The following UNC5C variants were observed in gnomAD, a reference collection of about 807,000 sequenced individuals.
UNC5C encodes the protein unc-5 netrin receptor C, also known as netrin receptor UNC5C.
In UNC5C, 47 loss-of-function variants were observed where a neutral mutation model predicts 99.8. The observed-to-expected ratio is 0.47, with a 90% CI of 0.37 to 0.60. The LOEUF is 0.60. Ranked by LOEUF, UNC5C falls within the 20% of genes least tolerant of loss-of-function variation. The pLI is 0.00. For missense variants in UNC5C, 1,062 were observed against 1,165.9 expected (o/e 0.91, Z 1.30); for synonymous variants, 487 against 452.2 (o/e 1.08, Z -0.98).
Position 95,257,711 on chromosome 4 carries a change from T to C in UNC5C, c.595-7044A>G, listed in dbSNP as rs550485121. 2.6e-5 allele frequency among the ~76,000 whole-genome samples: 4 copies of C among 152,362 alleles called. No individual in the cohort carries two copies. In the East Asian group the frequency reaches 7.7e-4, roughly 29 times the overall value. ...ACAGGTAAGTTGCTAAAAATTCCCA[T>C]TATTTCCATGAACAAAGTGAGTTTT... is the stretch of plus-strand genomic sequence containing the variant. On this transcript the variant is annotated intron_variant, in intron 4 of 15. Transcript: ENST00000453304.
chr4:95,509,084 G>A (rs1439204928), intron 1 of UNC5C, among the ~76,000 whole-genome samples: 2 of 151,598 alleles, frequency 1.3e-5, no homozygotes, highest in African/African-American at 4.8e-5. Context: ...CTAACAAGTA[G>A]GAATTTTGAC....
In UNC5C at chr4:95,259,309, A is replaced by T. The variant is rs1358817563; in HGVS notation, c.595-8642T>A. 3.9e-5 allele frequency among the ~76,000 whole-genome samples: 6 copies of T among 152,202 alleles called. No individual in the cohort carries two copies. The South Asian group carries it at 6.2e-4, about 16-fold the overall frequency. On this transcript the variant is annotated intron_variant, in intron 4 of 15. Transcript: ENST00000453304. ...GACACCTACTGTCTGGCATACAGTT[A>T]AGTATTTGAAAATAATTATTAACAT...
chr4:95,237,416 A>T (rs986981846), intron 7 of UNC5C, among the ~76,000 whole-genome samples: 2 of 152,176 alleles, frequency 1.3e-5, no homozygotes, highest in Non-Finnish European at 2.9e-5. Context: ...AACATTTAGC[A>T]TTATTATATC....
intron 1 of UNC5C, among the ~76,000 whole-genome samples, chr4:95,532,450 A>G (rs963057985): frequency 6.0e-5 from 2 of 33,346 alleles, no homozygotes; most frequent in Non-Finnish European, 1.1e-4. Context: ...CAACATCATT[A>G]AAAAAAAAAA....
intron 1 of UNC5C, among the ~76,000 whole-genome samples, chr4:95,365,295 C>CAAA (rs11332755): frequency 9.3e-6 from 1 of 108,034 alleles, no homozygotes; most frequent in African/African-American, 3.2e-5. Flanking sequence ...GAATCTGTCT[C>CAAA]AAAAAAAAAA....
rs546253861 is a variant in UNC5C at position 95,525,951 on chromosome 4, A to G, written c.124+22783T>C. Among the ~76,000 whole-genome samples the G allele has an allele frequency of 2.6e-5, 4 of 152,322 alleles. 1 individual carries two copies. In the South Asian group the frequency reaches 8.3e-4, roughly 32 times the overall value. On this transcript the variant is annotated intron_variant, in intron 1 of 15. Transcript: ENST00000453304. ...AGCCAACTGTGTTACTTTCTAAAAC[A>G]CATTTAATTTTAAAAATTCGAATAG...
chr4:95,184,296 T>C (rs1054578048), intron 13 of UNC5C, among the ~76,000 whole-genome samples: 23 of 152,200 alleles, frequency 1.5e-4, no homozygotes, highest in African/African-American at 5.3e-4. Flanking sequence ...CCCATCAGTC[T>C]TCCAGTATGT....
chr4:95,312,300 C>T (rs1742305396), intron 2 of UNC5C, among the ~76,000 whole-genome samples: 1 of 152,040 alleles, frequency 6.6e-6, no homozygotes, highest in African/African-American at 2.4e-5. Context: ...GAGCATAGGC[C>T]CTGTCCTATG....
At chr4:95,498,784 T>C (rs1192098494) in intron 1 of UNC5C, among the ~76,000 whole-genome samples, 3 of 151,890 alleles carry the variant, frequency 2.0e-5, no homozygotes, top group Admixed American at 1.3e-4. Flanking sequence ...TATTTTGGAG[T>C]TGATTTGTAT....
chr4:95,465,736 G>T (rs2149472599), intron 1 of UNC5C, among the ~76,000 whole-genome samples: 1 of 152,200 alleles, frequency 6.6e-6, no homozygotes, highest in Non-Finnish European at 1.5e-5. Context: ...TACACAGATG[G>T]ATCCAAAGCA....
chr4:95,198,178 G>C (rs1041104409), intron 12 of UNC5C, among the ~76,000 whole-genome samples: 2 of 151,884 alleles, frequency 1.3e-5, no homozygotes, highest in East Asian at 3.9e-4. Flanking sequence ...CAGTAGAGAC[G>C]GGGTTTCACC....
intron 1 of UNC5C, among the ~76,000 whole-genome samples, chr4:95,545,798 C>A (rs773211871): frequency 7.1e-6 from 1 of 141,040 alleles, no homozygotes; most frequent in African/African-American, 2.9e-5. Context: ...ACACACACTG[C>A]CTTTTACTAG....
At chr4:95,457,487 G>GA (rs1218922005) in intron 1 of UNC5C, among the ~76,000 whole-genome samples, 2 of 152,020 alleles carry the variant, frequency 1.3e-5, no homozygotes, top group Non-Finnish European at 2.9e-5. Flanking sequence ...ATCTGTCTGG[G>GA]AAAAGCACAA....
At chr4:95,499,395 T>C (rs1721713175) in intron 1 of UNC5C, among the ~76,000 whole-genome samples, 2 of 152,128 alleles carry the variant, frequency 1.3e-5, no homozygotes, top group Non-Finnish European at 2.9e-5. Flanking sequence ...CCATGGTTAC[T>C]TGAGAGCATT....
intron 12 of UNC5C, among the ~76,000 whole-genome samples, chr4:95,200,023 C>T (rs1253372956): frequency 6.6e-6 from 1 of 152,178 alleles, no homozygotes; most frequent in Non-Finnish European, 1.5e-5. Flanking sequence ...CAAGAGGTCT[C>T]ATCCCTTCCC....
chr4:95,402,833 C>T (rs78296764), intron 1 of UNC5C, among the ~76,000 whole-genome samples: 11,689 of 152,184 alleles, frequency 0.077, 496 homozygotes, highest in Non-Finnish European at 0.099. Flanking sequence ...TCTTTAGAGT[C>T]CCCTAGTCTA....
At chr4:95,483,551 A>G (rs1436713031) in intron 1 of UNC5C, among the ~76,000 whole-genome samples, 2 of 151,816 alleles carry the variant, frequency 1.3e-5, no homozygotes, top group Non-Finnish European at 2.9e-5. Context: ...ATCCCATCCT[A>G]AGAATGAATT....
intron 1 of UNC5C, among the ~76,000 whole-genome samples, chr4:95,356,770 T>C (rs900454129): frequency 6.6e-6 from 1 of 152,196 alleles, no homozygotes; most frequent in Non-Finnish European, 1.5e-5. Flanking sequence ...TCTCACTGGC[T>C]AACTGGCAGT....
chr4:95,294,315 G>A lies in UNC5C; in HGVS notation c.490+7291C>T, dbSNP rs79866440. Among the ~76,000 whole-genome samples the A allele has an allele frequency of 9.2e-3, 1,403 of 152,290 alleles. 64 individuals carry two copies. Among genetic ancestry groups the A allele is most frequent in the Admixed American group, 0.075 (1,151 of 15,302 alleles). ...CCAAATCCACAGGTGGGTCACAAATGTAGTTATTCTCTCAGTGAAAATGAT... is the reference window on the plus strand; with the variant it reads ...CCAAATCCACAGGTGGGTCACAAATATAGTTATTCTCTCAGTGAAAATGAT... On this transcript the variant is annotated intron_variant, in intron 3 of 15. Coordinates refer to ENST00000453304, the MANE Select transcript of UNC5C (RefSeq NM_003728.4).
Sources: gnomAD v4.1 joint callset for allele counts (sites outside exome capture counted in the v4.1 genomes callset) on GRCh38, gnomAD v4.1.1 for gene constraint, MANE v1.5 for transcripts, NCBI Gene and HGNC (gene_info 2026-07-23, HGNC 2026-07-21) for gene names.